The following DUOX2 variants were observed in gnomAD, a reference collection of about 807,000 sequenced individuals.
DUOX2 encodes dual oxidase 2.
A neutral mutation model predicts 183.3 loss-of-function variants in DUOX2; 185 were observed. The ratio of observed to expected loss-of-function variants is 1.01; its 90% CI spans 0.90 to 1.14. The LOEUF (loss-of-function observed/expected upper bound fraction) is 1.14. Among genes scored for constraint, DUOX2 ranks in the 50% most tolerant of loss-of-function variants. The pLI is 0.00. For missense variants in DUOX2, 1,999 were observed against 2,022.9 expected, an observed-to-expected ratio of 0.99 and a Z score of 0.23; for synonymous variants, 788 against 812.4, an observed-to-expected ratio of 0.97 and a Z score of 0.51.
At chr15:45,113,116 C>T in intron 2 of DUOX2, 40 bp from the exon 3 acceptor site, 1 of 1,594,778 alleles carries the variant, frequency 6.3e-7, no homozygotes, top group Non-Finnish European at 8.6e-7. Flanking sequence ...ACTACGCTCC[C>T]AGCTACCCCT....
In DUOX2 at chr15:45,105,852, G is replaced by A. The variant is rs781209403; in HGVS notation, c.2149-24C>T. The A allele has an allele frequency of 1.9e-5, 30 of 1,613,448 alleles. 1 individual carries two copies. The South Asian group carries it at 3.2e-4, about 17-fold the overall frequency. ...ACCTGGGTGGGAGGAAGGCGGCACTGACGCAGGGAGCTCGCTGGACCTTCT... is the reference window on the plus strand; with the variant it reads ...ACCTGGGTGGGAGGAAGGCGGCACTAACGCAGGGAGCTCGCTGGACCTTCT... On this transcript the variant is annotated intron_variant, in intron 17 of 33. Coordinates refer to ENST00000389039, the MANE Select transcript of DUOX2 (RefSeq NM_001363711.2).
Position 45,111,865 on chromosome 15 carries a change from A to G in DUOX2, c.416T>C (p.Val139Ala). The G allele has an allele frequency of 6.2e-7, 1 of 1,613,750 alleles. No homozygotes were observed. Among genetic ancestry groups the G allele is most frequent in the Non-Finnish European group, 8.5e-7 (1 of 1,179,998 alleles). The change falls in exon 5 of 34, where the codon GTG becomes GCG. Residue 139 changes from valine to alanine, a missense_variant. Around this residue, in one of 3 missense-constraint regions of DUOX2, gnomAD observed 356 missense variants for 356.4 expected, o/e 1.00. Transcript: ENST00000389039. ...GTCCCCGCGCTGGTCGGGGTCGAAC[A>G]CGGGGTCTCCAGGTGGGATGCGGAT... is the stretch of plus-strand genomic sequence containing the variant. ...LNIRIPPGDP[V>A]FDPDQRGDVV...
rs766584842 is a variant in DUOX2, at chr15:45,108,015, C to T, written c.1574+32G>A. 108 of 1,613,438 alleles carry T rather than the reference C, an allele frequency of 6.7e-5. 2 individuals are homozygous for T. The South Asian group carries it at 1.1e-3, about 16-fold the overall frequency. ...AGGGTCTGGGGCTCAGGCTGAGGAG[C>T]AGTCTGAGGTGGGGGCCCAGGCAAG... On this transcript the variant is annotated intron_variant, in intron 13 of 33. Transcript: ENST00000389039.
At position 45,099,667 on chromosome 15, in the gene DUOX2, A is replaced by G. The variant is rs1894011717; in HGVS notation, c.3410T>C (p.Leu1137Pro). The change falls in exon 25 of 34, where the codon CTG (leucine) becomes CCG (proline). Residue 1137 changes from leucine (L) to proline (P), a missense_variant. Transcript: ENST00000389039. ...HRWIAMAAVV[L>P]AILHSAGHAV... is the part of the protein sequence containing the mutation. Reference sequence around the variant, plus strand: ...GAAGCCTGGGAGTCACGTACTGGCCAGGACAACAGCAGCCATGGCGATCCA... The same window carrying G: ...GAAGCCTGGGAGTCACGTACTGGCCGGGACAACAGCAGCCATGGCGATCCA... The G allele has an allele frequency of 6.2e-7, 1 of 1,614,108 alleles. No homozygotes were observed. The highest frequency in any genetic ancestry group is 8.5e-7 in the Non-Finnish European group (1 of 1,180,050).
At chr15:45,110,610 G>A (rs770646165) in intron 8 of DUOX2, 40 bp downstream of exon 8, 11 of 1,613,526 alleles carry the variant, frequency 6.8e-6, no homozygotes, top group Non-Finnish European at 9.3e-6. Flanking sequence ...CTTCCCCTCA[G>A]GATTCTCCGC....
In DUOX2 at chr15:45,103,947, G is replaced by C. The variant is rs764089108; in HGVS notation, c.2654+13C>G. ...ACCAGGAAGTCTCAGGATTAGAAAG[G>C]CACACCCCATACCGCATCATGGTGA... On this transcript the variant is annotated intron_variant, in intron 20 of 33. Coordinates refer to ENST00000389039, the MANE Select transcript of DUOX2 (RefSeq NM_001363711.2). 1.9e-6 allele frequency: 3 copies of C among 1,613,774 alleles called. No individual in the cohort carries two copies. Among genetic ancestry groups the C allele is most frequent in the South Asian group, 1.1e-5 (1 of 91,072 alleles).
intron 12 of DUOX2, 75 bp downstream of exon 12, chr15:45,108,714 A>G (rs1894297647): frequency 6.8e-7 from 1 of 1,468,198 alleles, no homozygotes; most frequent in Non-Finnish European, 9.5e-7. Flanking sequence ...AAATGAGTCA[A>G]CATATGTAAA....
At chr15:45,102,987 AC>A (rs1894120756) in intron 20 of DUOX2, among the ~76,000 whole-genome samples, 1 of 152,164 alleles carries the variant, frequency 6.6e-6, no homozygotes, top group African/African-American at 2.4e-5. Flanking sequence ...CTCAAAACAA[AC>A]AAACAAACAA....
At position 45,106,136 on chromosome 15, in the gene DUOX2, C is replaced by T. The variant is rs1436489952; in HGVS notation, c.2137G>A (p.Glu713Lys). The change falls in exon 17 of 34, where the codon GAG (glutamate) becomes AAG (lysine). Residue 713 changes from glutamate (E) to lysine (K), a missense_variant. Physicochemically the swap from Glu to Lys is moderately conservative, Grantham distance 56. Around this residue, in one of 3 missense-constraint regions of DUOX2, gnomAD observed 1,628 missense variants for 1,608.6 expected, o/e 1.01. Coordinates refer to ENST00000389039, the MANE Select transcript of DUOX2 (RefSeq NM_001363711.2). Reference protein sequence around the residue: ...CRTLLLKIPKEYDLVLLFSSE... With the variant: ...CRTLLLKIPKKYDLVLLFSSE... ...AGGACGAGCCATACCAGGTCATACTCCTTAGGGATCTTGAGCAGCAGGGTG... is the reference window on the plus strand; with the variant it reads ...AGGACGAGCCATACCAGGTCATACTTCTTAGGGATCTTGAGCAGCAGGGTG... 6.2e-7 allele frequency: 1 copy of T among 1,614,160 alleles called. No homozygotes were observed. The highest frequency in any genetic ancestry group is 8.5e-7 in the Non-Finnish European group (1 of 1,180,028).
At position 45,108,605 on chromosome 15, in the gene DUOX2, A is replaced by T. The variant is rs150929720; in HGVS notation, c.1398+184T>A. On this transcript the variant is annotated intron_variant, in intron 12 of 33. Coordinates refer to ENST00000389039, the MANE Select transcript of DUOX2 (RefSeq NM_001363711.2). ...GGTTAGGAATATATTCTGGAATCAG[A>T]TGGCTGAATTTAAGTCCCTCCTCTA... The T allele has an allele frequency of 1.2e-3, 901 of 721,814 alleles. 10 individuals carry two copies. In the African/African-American group the frequency reaches 0.014, roughly 11 times the overall value. The allele number at this position is 721,814 out of a possible 1,614,324, so 44.7% of individuals were successfully genotyped here.
In DUOX2 at chr15:45,108,807, G is replaced by A. The variant is rs1319351983; in HGVS notation, c.1380C>T (p.Asn460=). The A allele has an allele frequency of 6.2e-7, 1 of 1,614,230 alleles. No homozygotes were observed. The highest frequency in any genetic ancestry group is 8.5e-7 in the Non-Finnish European group (1 of 1,180,040). Residue 460 remains asparagine (N), a synonymous_variant, in exon 12 of 34, where the codon AAC becomes AAT. Transcript: ENST00000389039. ...LDIPRNWSDL[N]PNVDPQVLEA... ...TCCTGACCTGGGGGTCCACATTAGG[G>A]TTGAGATCACTCCAGTTCCTTGGGA...
At position 45,107,443 on chromosome 15, in the gene DUOX2, A is replaced by G. The variant is rs1894249820; in HGVS notation, c.1595T>C (p.Ile532Thr). Reference sequence around the variant, plus strand: ...CAGGGTGGTATTTCGGATGTCTTCAATCTCCTTCTTGGAGAACAGCCTAAG... The same window carrying G: ...CAGGGTGGTATTTCGGATGTCTTCAGTCTCCTTCTTGGAGAACAGCCTAAG... Reference protein sequence around the residue: ...TRNGLFSKKEIEDIRNTTLRD... With the variant: ...TRNGLFSKKETEDIRNTTLRD... The change falls in exon 14 of 34, where the codon ATT becomes ACT. Residue 532 changes from isoleucine to threonine, a missense_variant. Transcript: ENST00000389039. 6.2e-7 allele frequency: 1 copy of G among 1,614,046 alleles called. No homozygotes were observed. The highest frequency in any genetic ancestry group is 1.7e-5 in the Admixed American group (1 of 60,008).
intron 14 of DUOX2, 85 bp from the exon 15 acceptor site, chr15:45,107,054 C>A: frequency 6.5e-7 from 1 of 1,534,330 alleles, no homozygotes; most frequent in Non-Finnish European, 8.8e-7. Flanking sequence ...TATAAAGGAC[C>A]AAGGTATCAT....
Position 45,106,332 on chromosome 15 carries a change from G to A in DUOX2, c.1946-5C>T. 1 of 1,613,816 alleles carries A rather than the reference G, an allele frequency of 6.2e-7. No individual in the cohort carries two copies. ...TGGGGCCTGGCCACTCCATCGCTGGGGAAGGGATAATTGGGCCGGGTAGTT... is the reference window on the plus strand; with the variant it reads ...TGGGGCCTGGCCACTCCATCGCTGGAGAAGGGATAATTGGGCCGGGTAGTT... On this transcript the variant is annotated splice_polypyrimidine_tract_variant and splice_region_variant and intron_variant, in intron 16 of 33. Transcript: ENST00000389039.
At chr15:45,107,930 A>G in intron 13 of DUOX2, 117 bp downstream of exon 13, 1 of 1,098,220 alleles carries the variant, frequency 9.1e-7, no homozygotes, top group Non-Finnish European at 1.4e-6. Context: ...AGGGGTTGGG[A>G]AGGGTGTGGT....
chr15:45,110,099 C>G (rs1394749385), intron 9 of DUOX2, 119 bp from the exon 10 acceptor site: 2 of 915,942 alleles, frequency 2.2e-6, no homozygotes, highest in African/African-American at 3.2e-5. Flanking sequence ...CAGGAACTTC[C>G]TTGAACACGG....
Position 45,106,225 on chromosome 15 carries a change from C to T in DUOX2, c.2048G>A (p.Arg683His), listed in dbSNP as rs8028305. The T allele has an allele frequency of 2.3e-5, 37 of 1,614,020 alleles. No homozygotes were observed. Among genetic ancestry groups the T allele is most frequent in the African/African-American group, 5.3e-5 (4 of 74,914 alleles). Residue 683 changes from arginine (R) to histidine (H), a missense_variant, in exon 17 of 34, where the codon CGT becomes CAT. Coordinates refer to ENST00000389039, the MANE Select transcript of DUOX2 (RefSeq NM_001363711.2). Reference sequence around the variant, plus strand: ...CTGCAGAGGCTGCAGCTGGACCACACGGAGCACAGTGAGATGCCTGTTCAG... The same window carrying T: ...CTGCAGAGGCTGCAGCTGGACCACATGGAGCACAGTGAGATGCCTGTTCAG... ...QVLNRHLTVLRVVQLQPLQQV... is the reference protein window; with the variant it reads ...QVLNRHLTVLHVVQLQPLQQV...
Position 45,103,688 on chromosome 15 carries a change from C to T in DUOX2, c.2654+272G>A, listed in dbSNP as rs1894139046. On this transcript the variant is annotated intron_variant, in intron 20 of 33. Transcript: ENST00000389039. Reference sequence around the variant, plus strand: ...GGGATTAGTGGATTTTTGTCGTTGGCCATATTGGTGTTGGGTTTTTTTTTT... The same window carrying T: ...GGGATTAGTGGATTTTTGTCGTTGGTCATATTGGTGTTGGGTTTTTTTTTT... 2.7e-5 allele frequency among the ~76,000 whole-genome samples: 4 copies of T among 149,960 alleles called. No individual in the cohort carries two copies. In the South Asian group the frequency reaches 8.3e-4, roughly 31 times the overall value.
chr15:45,102,127 G>C, intron 20 of DUOX2, 138 bp from the exon 21 acceptor site: 1 of 1,120,212 alleles, frequency 8.9e-7, no homozygotes. Context: ...TGCTCATCCA[G>C]CCTGCCGCTG....
Sources: allele counts gnomAD v4.1 joint callset (sites outside exome capture counted in the v4.1 genomes callset), GRCh38; gene constraint gnomAD v4.1.1; regional missense constraint gnomAD v4.1.1; transcripts MANE v1.5; gene names NCBI Gene and HGNC (gene_info 2026-07-23, HGNC 2026-07-21).